Variants in USP32 observed in about 807,000 individuals in gnomAD.
The protein encoded by USP32 is ubiquitin specific peptidase 32, also known as ubiquitin carboxyl-terminal hydrolase 32.
A neutral mutation model predicts 204.8 loss-of-function variants in USP32; 59 were observed. That is an observed-to-expected ratio of 0.29 (90% CI 0.23 to 0.36). The LOEUF is 0.36. Ranked by LOEUF, USP32 falls within the 10% of genes least tolerant of loss-of-function variation. The pLI is 1.00. For missense variants in USP32, 1,160 were observed against 1,946.4 expected (o/e 0.60, Z 7.60); for synonymous variants, 517 against 678.4 (o/e 0.76, Z 3.70).
intron 2 of USP32, among the ~76,000 whole-genome samples, chr17:60,320,534 G>A (rs566198185): frequency 2.0e-5 from 3 of 152,114 alleles, no homozygotes; most frequent in Non-Finnish European, 2.9e-5. Flanking sequence ...CGTGCACACC[G>A]TTGGGATGAG....
At chr17:60,349,708 CTAAT>C (rs1422362622) in intron 1 of USP32, among the ~76,000 whole-genome samples, 5 of 132,358 alleles carry the variant, frequency 3.8e-5, no homozygotes, top group Non-Finnish European at 7.8e-5. Flanking sequence ...AATCTGATGA[CTAAT>C]GAATTTATTC....
At chr17:60,282,526 G>A (rs2086993835) in intron 5 of USP32, among the ~76,000 whole-genome samples, 1 of 152,116 alleles carries the variant, frequency 6.6e-6, no homozygotes, top group Admixed American at 6.6e-5. Context: ...GCTAATTTTT[G>A]TACTTTTAGT....
At chr17:60,225,940 GA>G in intron 13 of USP32, 98 bp downstream of exon 13, 1 of 1,292,390 alleles carries the variant, frequency 7.7e-7, no homozygotes, top group Non-Finnish European at 1.0e-6. Flanking sequence ...GGCAAAATGT[GA>G]AACTCAGTCT....
upstream of USP32, chr17:60,392,624 C>CT (rs2089862399): frequency 2.2e-6 from 1 of 451,588 alleles, no homozygotes; most frequent in East Asian, 7.2e-5. Context: ...CGGCATATGG[C>CT]TCAGAAGAGA....
rs574541611 is a variant in USP32, at chr17:60,234,708, C to A, written c.1239+1430G>T. On this transcript the variant is annotated intron_variant, in intron 12 of 33. Transcript: ENST00000300896. ...TCGCGCCACTGCACTCCAGCCTGGGCGACAAAAGCAAGACTCCGTCTCAGA... is the reference window on the plus strand; with the variant it reads ...TCGCGCCACTGCACTCCAGCCTGGGAGACAAAAGCAAGACTCCGTCTCAGA... Among the ~76,000 whole-genome samples, 3 of 151,294 alleles carry A rather than the reference C, an allele frequency of 2.0e-5. No homozygotes were observed. In the South Asian group the frequency reaches 6.3e-4, roughly 32 times the overall value.
chr17:60,332,347 G>A (rs1322594983), intron 2 of USP32, among the ~76,000 whole-genome samples: 4 of 151,762 alleles, frequency 2.6e-5, no homozygotes, highest in African/African-American at 4.8e-5. Context: ...CATTTCTATC[G>A]CCTCAAAAGT....
chr17:60,251,372 G>A (rs2086163364), intron 11 of USP32, among the ~76,000 whole-genome samples: 1 of 151,892 alleles, frequency 6.6e-6, no homozygotes, highest in South Asian at 2.1e-4. Flanking sequence ...ATCTTAATTG[G>A]CATGTCCTGT....
chr17:60,207,732 C>T, intron 24 of USP32: 1 of 205,222 alleles, frequency 4.9e-6, no homozygotes, highest in Non-Finnish European at 9.6e-6. Context: ...GAAGAGTTGT[C>T]AAGGGTAATA....
At chr17:60,200,127 T>C (rs555992555) in intron 26 of USP32, among the ~76,000 whole-genome samples, 1 of 148,144 alleles carries the variant, frequency 6.8e-6, no homozygotes, top group East Asian at 2.0e-4. Flanking sequence ...GCAGGAGGCA[T>C]AGAGTACAGT....
intron 11 of USP32, among the ~76,000 whole-genome samples, chr17:60,238,627 A>T (rs902382566): frequency 3.3e-5 from 5 of 151,876 alleles, no homozygotes; most frequent in African/African-American, 1.2e-4. Flanking sequence ...ACATGGTGAA[A>T]CCCCGTCTCT....
rs753072481 is a variant in USP32, at chr17:60,266,035, T to C, written c.868A>G (p.Arg290Gly). ...RDGVLSRVEL[R>G]DMVVALLEVW... ...TCTAAAAGTGCAACCACCATGTCTC[T>C]CAGTTCAACCCTGGAGAGAACTCCA... is the stretch of plus-strand genomic sequence containing the variant. The change falls in exon 8 of 34, where the codon AGA (arginine) becomes GGA (glycine). Residue 290 changes from arginine to glycine, a missense_variant. Coordinates refer to ENST00000300896, the MANE Select transcript of USP32 (RefSeq NM_032582.4). 10 of 1,613,990 alleles carry C rather than the reference T, an allele frequency of 6.2e-6. No homozygotes were observed. In the Admixed American group the frequency reaches 8.3e-5, roughly 13 times the overall value.
intron 2 of USP32, among the ~76,000 whole-genome samples, chr17:60,341,673 T>C (rs1313359243): frequency 1.3e-5 from 2 of 152,230 alleles, no homozygotes; most frequent in African/African-American, 2.4e-5. Context: ...ACTGATACCC[T>C]TTCTTCCACT....
intron 16 of USP32, among the ~76,000 whole-genome samples, chr17:60,216,175 G>GGTAA (rs1470147462): frequency 6.6e-6 from 1 of 151,654 alleles, no homozygotes; most frequent in East Asian, 1.9e-4. Context: ...CAAGAAGAGT[G>GGTAA]GTAATACAGG....
chr17:60,279,203 G>A (rs2086906725), intron 5 of USP32, among the ~76,000 whole-genome samples: 1 of 152,086 alleles, frequency 6.6e-6, no homozygotes, highest in Non-Finnish European at 1.5e-5. Context: ...AGATTAACTT[G>A]TCATTAATCC....
chr17:60,255,671 C>T (rs2086283515), intron 9 of USP32, among the ~76,000 whole-genome samples: 1 of 152,160 alleles, frequency 6.6e-6, no homozygotes, highest in Non-Finnish European at 1.5e-5. Context: ...TAAACTAGTT[C>T]AAGTTCGTTC....
At chr17:60,405,223 G>T (rs534228074) in intron 1 of USP32, among the ~76,000 whole-genome samples, 2 of 152,146 alleles carry the variant, frequency 1.3e-5, no homozygotes, top group African/African-American at 4.8e-5. Flanking sequence ...TTGTTTTTGA[G>T]ACAGAGTTTC....
In USP32 at chr17:60,288,616, A is replaced by G. The variant is rs1487775996; in HGVS notation, c.478T>C (p.Ser160Pro). ...LFLNKDAFTFSRWLLSGGVYV... is the reference protein window; with the variant it reads ...LFLNKDAFTFPRWLLSGGVYV... Reference sequence around the variant, plus strand: ...ACACCTCCAGATAGAAGCCATCGAGAGAAAGTAAAAGCATCTTTGTTTAGA... The same window carrying G: ...ACACCTCCAGATAGAAGCCATCGAGGGAAAGTAAAAGCATCTTTGTTTAGA... The change falls in exon 5 of 34, where the codon TCT (serine) becomes CCT (proline). Residue 160 changes from serine to proline, a missense_variant. Ser to Pro is a moderately conservative substitution (Grantham distance 74). Transcript: ENST00000300896. 6.2e-7 allele frequency: 1 copy of G among 1,613,604 alleles called. No homozygotes were observed. The highest frequency in any genetic ancestry group is 1.3e-5 in the African/African-American group (1 of 74,876).
intron 27 of USP32, among the ~76,000 whole-genome samples, chr17:60,194,141 T>C (rs1242632786): frequency 6.6e-6 from 1 of 151,996 alleles, no homozygotes; most frequent in Non-Finnish European, 1.5e-5. Flanking sequence ...CTTTCTGGGC[T>C]CAGGTGATCC....
At chr17:60,221,457 T>C (rs911302482) in intron 15 of USP32, among the ~76,000 whole-genome samples, 2 of 152,120 alleles carry the variant, frequency 1.3e-5, no homozygotes, top group African/African-American at 4.8e-5. Flanking sequence ...AAAACCTTCC[T>C]GGCATAAGGA....
Sources: gnomAD v4.1 joint callset for allele counts (sites outside exome capture counted in the v4.1 genomes callset) on GRCh38, gnomAD v4.1.1 for gene constraint, MANE v1.5 for transcripts, NCBI Gene and HGNC (gene_info 2026-07-23, HGNC 2026-07-21) for gene names.